The following PRR16 variants were observed in gnomAD, a reference collection of about 807,000 sequenced individuals.
PRR16 encodes protein Largen.
A neutral mutation model predicts 18.2 loss-of-function variants in PRR16; 6 were observed. The ratio of observed to expected loss-of-function variants is 0.33; its 90% confidence interval spans 0.18 to 0.65. The LOEUF is 0.65. Ranked by LOEUF, PRR16 falls within the 30% of genes least tolerant of loss-of-function variation. The pLI is 0.74. For missense variants in PRR16, 412 were observed against 376.6 expected (o/e 1.09, Z -0.78); for synonymous variants, 151 against 147.8 (o/e 1.02, Z -0.16).
intron 1 of PRR16, among the ~76,000 whole-genome samples, chr5:120,623,138 G>A (rs924325617): frequency 6.6e-6 from 1 of 151,922 alleles, no homozygotes; most frequent in African/African-American, 2.4e-5. Context: ...GTTATTTTAG[G>A]ATAGAAAGAG....
chr5:120,492,815 G>C (rs1448872964), intron 1 of PRR16, among the ~76,000 whole-genome samples: 1 of 152,110 alleles, frequency 6.6e-6, no homozygotes, highest in Non-Finnish European at 1.5e-5. Context: ...ATGGTATTTG[G>C]TTTTCCATTC....
intron 1 of PRR16, among the ~76,000 whole-genome samples, chr5:120,577,109 T>TA (rs1347365039): frequency 6.6e-6 from 1 of 152,100 alleles, no homozygotes; most frequent in African/African-American, 2.4e-5. Flanking sequence ...AATGTGTGAA[T>TA]AATTGCATAT....
chr5:120,788,989 T>C, the PRR16 span, among the ~76,000 whole-genome samples: 24 of 152,220 alleles, frequency 1.6e-4, no homozygotes, highest in Middle Eastern at 3.4e-3. Flanking sequence ...AATTATTTAC[T>C]GTGCTGCCTG....
At chr5:120,710,442 G>A in the PRR16 span, among the ~76,000 whole-genome samples, 1 of 152,092 alleles carries the variant, frequency 6.6e-6, no homozygotes, top group East Asian at 1.9e-4. Context: ...CATGTGACAA[G>A]CAGGAAAGTT....
the PRR16 span, among the ~76,000 whole-genome samples, chr5:120,777,029 A>G: frequency 6.6e-6 from 1 of 152,086 alleles, no homozygotes; most frequent in African/African-American, 2.4e-5. Flanking sequence ...AATTTGGTGT[A>G]AATTAAAACA....
chr5:120,567,685 T>C (rs1580733156), intron 1 of PRR16, among the ~76,000 whole-genome samples: 1 of 152,130 alleles, frequency 6.6e-6, no homozygotes, highest in African/African-American at 2.4e-5. Flanking sequence ...AGTGTAGTAC[T>C]TCCCCCTTCA....
the PRR16 span, among the ~76,000 whole-genome samples, chr5:120,771,467 G>A: frequency 6.6e-6 from 1 of 152,114 alleles, no homozygotes; most frequent in Non-Finnish European, 1.5e-5. Flanking sequence ...CATCCCTTTA[G>A]TAGAGTGAGG....
At chr5:120,667,938 G>T (rs1451235081) in intron 1 of PRR16, among the ~76,000 whole-genome samples, 2 of 152,086 alleles carry the variant, frequency 1.3e-5, no homozygotes, top group South Asian at 2.1e-4. Flanking sequence ...CTGTTGATTT[G>T]GGGTGGAGAG....
chr5:120,624,487 C>T (rs1412554622), intron 1 of PRR16, among the ~76,000 whole-genome samples: 6 of 152,096 alleles, frequency 3.9e-5, no homozygotes, highest in Non-Finnish European at 8.8e-5. Flanking sequence ...GATAGCATAG[C>T]ATAGTGGTGC....
intron 1 of PRR16, among the ~76,000 whole-genome samples, chr5:120,650,557 C>T (rs1755746638): frequency 6.6e-6 from 1 of 150,706 alleles, no homozygotes; most frequent in Admixed American, 6.6e-5. Flanking sequence ...CAATTCCCAC[C>T]TATGAGTGAG....
At chr5:120,621,097 T>C (rs926350864) in intron 1 of PRR16, among the ~76,000 whole-genome samples, 1 of 152,180 alleles carries the variant, frequency 6.6e-6, no homozygotes, top group Non-Finnish European at 1.5e-5. Flanking sequence ...TGAGTCCTTC[T>C]TTTCACTATC....
chr5:120,576,106 G>T (rs976556466), intron 1 of PRR16, among the ~76,000 whole-genome samples: 1 of 152,130 alleles, frequency 6.6e-6, no homozygotes, highest in African/African-American at 2.4e-5. Flanking sequence ...CATGACATTG[G>T]TCTAGGCAAA....
intron 1 of PRR16, among the ~76,000 whole-genome samples, chr5:120,510,750 TTGAGACAGAGTCA>T (rs1750800536): frequency 6.6e-6 from 1 of 152,178 alleles, no homozygotes; most frequent in African/African-American, 2.4e-5. Flanking sequence ...AATCTTGAAA[TTGAGACAGAGTCA>T]ATAAATACAG....
the PRR16 span, among the ~76,000 whole-genome samples, chr5:120,781,675 C>G: frequency 1.3e-5 from 2 of 151,944 alleles, no homozygotes; most frequent in Non-Finnish European, 2.9e-5. Context: ...TTTTGGAGTA[C>G]CATGTTCTCA....
At chr5:120,697,553 C>A in the PRR16 span, among the ~76,000 whole-genome samples, 1 of 152,132 alleles carries the variant, frequency 6.6e-6, no homozygotes, top group Non-Finnish European at 1.5e-5. Flanking sequence ...TTTTCATGCG[C>A]GTCCATGTGA....
the PRR16 span, among the ~76,000 whole-genome samples, chr5:120,782,328 G>A: frequency 6.6e-6 from 1 of 152,092 alleles, no homozygotes; most frequent in Non-Finnish European, 1.5e-5. Flanking sequence ...CTCCATACAT[G>A]CAGCCCACCC....
chr5:120,747,758 T>TGAAG, the PRR16 span, among the ~76,000 whole-genome samples: 1,663 of 151,212 alleles, frequency 0.011, 28 homozygotes, highest in African/African-American at 0.037. Flanking sequence ...AAGAGAAAGA[T>TGAAG]GAAGGAAGGA....
At chr5:120,525,610 CT>C (rs529926112) in intron 1 of PRR16, among the ~76,000 whole-genome samples, 3,369 of 129,000 alleles carry the variant, frequency 0.026, 24 homozygotes, top group Middle Eastern at 0.11. Context: ...ATCAATATTG[CT>C]TTTTTTTTTT....
chr5:120,542,396 C>T (rs1251257975), intron 1 of PRR16, among the ~76,000 whole-genome samples: 1 of 151,978 alleles, frequency 6.6e-6, no homozygotes, highest in Non-Finnish European at 1.5e-5. Flanking sequence ...CAGGGAGTAC[C>T]TATATACTCT....
Sources: allele counts gnomAD v4.1 joint callset (sites outside exome capture counted in the v4.1 genomes callset), GRCh38; gene constraint gnomAD v4.1.1; transcripts MANE v1.5; gene names NCBI Gene and HGNC (gene_info 2026-07-23, HGNC 2026-07-21).